Variants in PATE1 observed in about 807,000 individuals in gnomAD.
PATE1 encodes the protein prostate and testis expressed protein 1.
In PATE1, 21 loss-of-function variants were observed where a neutral mutation model predicts 13.1. The ratio of observed to expected loss-of-function variants is 1.61; its 90% confidence interval spans 1.14 to 2.31. PATE1 has a LOEUF of 2.31. Ranked by LOEUF, PATE1 falls within the 30% of genes most tolerant of loss-of-function variation. The pLI, the probability that PATE1 is intolerant of heterozygous loss-of-function variation, is 0.00. For synonymous variants in PATE1, 52 were observed against 47.1 expected, an observed-to-expected ratio of 1.10 and a Z score of -0.43; for missense variants, 166 against 147.2, an observed-to-expected ratio of 1.13 and a Z score of -0.66.
intron 2 of PATE1, among the ~76,000 whole-genome samples, chr11:125,746,957 G>T (rs1239690482): frequency 6.6e-6 from 1 of 152,154 alleles, no homozygotes; most frequent in Non-Finnish European, 1.5e-5. Context: ...GAAGTGGAAT[G>T]CTGGCTTTTC....
chr11:125,747,530 C>T, intron 3 of PATE1, 119 bp downstream of exon 3: 1 of 1,404,262 alleles, frequency 7.1e-7, no homozygotes, highest in Non-Finnish European at 9.9e-7. Flanking sequence ...GACCATAAAC[C>T]TCAATCACTC....
intron 3 of PATE1, 98 bp downstream of exon 3, chr11:125,747,509 A>G: frequency 6.9e-7 from 1 of 1,441,908 alleles, no homozygotes. Flanking sequence ...TTTTCAGGCT[A>G]AAATTCCTGA....
intron 4 of PATE1, chr11:125,748,172 G>A (rs975782319): frequency 1.5e-5 from 5 of 327,128 alleles, no homozygotes; most frequent in African/African-American, 8.4e-5. Flanking sequence ...GCTTCCTTAC[G>A]GATGGTTCTA....
Position 125,748,688 on chromosome 11 carries a change from C to T in PATE1, c.336C>T (p.Asn112=). 1.2e-6 allele frequency: 2 copies of T among 1,613,910 alleles called. No individual in the cohort carries two copies. The highest frequency in any genetic ancestry group is 1.7e-6 in the Non-Finnish European group (2 of 1,179,888). The change falls in exon 5 of 5, where the codon AAC becomes AAT. Residue 112 remains asparagine (N), a synonymous_variant. Coordinates refer to ENST00000305738, the MANE Select transcript of PATE1 (RefSeq NM_138294.3). Reference sequence around the variant, plus strand: ...TAAGGTGGAGTGTCTATTTGGTGAACTTCAGGTGCTGCAGGAGCCATGACC... The same window carrying T: ...TAAGGTGGAGTGTCTATTTGGTGAATTTCAGGTGCTGCAGGAGCCATGACC... The part of the protein sequence containing the change: ...KGIRWSVYLV[N]FRCCRSHDLC...
chr11:125,747,492 C>T (rs1943284017), intron 3 of PATE1, 81 bp downstream of exon 3: 3 of 1,467,250 alleles, frequency 2.0e-6, no homozygotes, highest in Non-Finnish European at 1.9e-6. Context: ...TTTCTTTCCC[C>T]TCCCATTTTT....
chr11:125,748,063 G>A (rs1943289838), intron 4 of PATE1: 1 of 523,826 alleles, frequency 1.9e-6, no homozygotes, highest in South Asian at 2.2e-5. Context: ...AAACAGAGGA[G>A]AATAAATCAA....
chr11:125,748,137 G>A (rs78394087), intron 4 of PATE1: 22,646 of 342,180 alleles, frequency 0.066, 942 homozygotes, highest in African/African-American at 0.12. Context: ...TGTGGAGGGG[G>A]CTTTTGGTTC....
intron 1 of PATE1, 27 bp from the exon 2 acceptor site, chr11:125,746,632 GAC>G (rs748861674): frequency 2.1e-5 from 34 of 1,613,126 alleles, no homozygotes; most frequent in South Asian, 3.3e-5. Flanking sequence ...GAGGTCTGCA[GAC>G]AGTGTATCTC....
chr11:125,748,550 C>G, intron 4 of PATE1, 50 bp from the exon 5 acceptor site: 1 of 1,589,526 alleles, frequency 6.3e-7, no homozygotes, highest in Non-Finnish European at 8.5e-7. Flanking sequence ...AGTTTTTTAG[C>G]AGAACTTTCA....
chr11:125,748,461 C>G, intron 4 of PATE1, 139 bp from the exon 5 acceptor site: 2 of 1,088,948 alleles, frequency 1.8e-6, no homozygotes, highest in Admixed American at 5.8e-5. Context: ...CTTGCAACAT[C>G]TTCCAGTTCT....
At position 125,746,609 on chromosome 11, in the gene PATE1, G is replaced by A. The variant is rs1390845883; in HGVS notation, c.53-52G>A. On this transcript the variant is annotated intron_variant, in intron 1 of 4. Transcript: ENST00000305738. Reference sequence around the variant, plus strand: ...GGATGTTCATAGAAGCTTTGAGATGGGGTTTGGAAAATGAGGTCTGCAGAC... The same window carrying A: ...GGATGTTCATAGAAGCTTTGAGATGAGGTTTGGAAAATGAGGTCTGCAGAC... The A allele has an allele frequency of 1.5e-5, 24 of 1,597,728 alleles. 1 individual carries two copies. The highest frequency in any genetic ancestry group is 8.8e-5 in the South Asian group (8 of 90,632).
Position 125,748,640 on chromosome 11 carries a change from G to T in PATE1, c.288G>T (p.Lys96Asn). The change falls in exon 5 of 5, where the codon AAG becomes AAT. Residue 96 changes from lysine (K) to asparagine (N), a missense_variant. Coordinates refer to ENST00000305738, the MANE Select transcript of PATE1 (RefSeq NM_138294.3). ...NPWLTFMGCL[K>N]NCADVKGIRW... Reference sequence around the variant, plus strand: ...GGTTAACCTTCATGGGCTGCCTAAAGAACTGTGCTGATGTGAAAGGCATAA... The same window carrying T: ...GGTTAACCTTCATGGGCTGCCTAAATAACTGTGCTGATGTGAAAGGCATAA... 2 of 1,613,908 alleles carry T rather than the reference G, an allele frequency of 1.2e-6. No individual in the cohort carries two copies. The highest frequency in any genetic ancestry group is 1.7e-6 in the Non-Finnish European group (2 of 1,179,902).
rs1943303668 is a variant in PATE1 at position 125,748,804 on chromosome 11, C to G, written c.*71C>G. ...GCCTCAGCCTCTTCACAATGACTTT[C>G]TAAAAAAAATCACACACACACACAC... On this transcript the variant is annotated 3_prime_UTR_variant, in exon 5 of 5. Coordinates refer to ENST00000305738, the MANE Select transcript of PATE1 (RefSeq NM_138294.3). 3 of 1,531,588 alleles carry G rather than the reference C, an allele frequency of 2.0e-6. No homozygotes were observed. The highest frequency in any genetic ancestry group is 2.6e-6 in the Non-Finnish European group (3 of 1,138,974). 94.9% of individuals were successfully genotyped at this position (1,531,588 alleles called of 1,614,324 possible).
intron 4 of PATE1, 45 bp from the exon 5 acceptor site, chr11:125,748,555 C>T (rs1409034432): frequency 3.8e-6 from 6 of 1,593,850 alleles, no homozygotes. Flanking sequence ...TTTAGCAGAA[C>T]TTTCATGGCC....
At position 125,749,169 on chromosome 11, in the gene PATE1, G is replaced by C. The variant is rs180910973; in HGVS notation, c.*436G>C. The stretch of plus-strand genomic sequence containing the variant: ...GTTATCCTTCTTATCCCACTCCAAA[G>C]AAAGCACATAACTGTGGCCTGAAGG... On this transcript the variant is annotated 3_prime_UTR_variant, in exon 5 of 5. Coordinates refer to ENST00000305738, the MANE Select transcript of PATE1 (RefSeq NM_138294.3). The C allele has an allele frequency of 1.3e-3, 195 of 152,910 alleles. No individual in the cohort carries two copies. The highest frequency in any genetic ancestry group is 1.7e-3 in the Non-Finnish European group (120 of 68,634). The allele number at this position is 152,910 out of a possible 1,614,324, so 9.5% of individuals were successfully genotyped here. A position where few individuals can be genotyped will look rare whatever the true frequency, so the allele number is the denominator to read the frequency against.
At chr11:125,746,407 T>G in intron 1 of PATE1, 51 bp downstream of exon 1, 1 of 1,583,286 alleles carries the variant, frequency 6.3e-7, no homozygotes, top group Non-Finnish European at 8.7e-7. Context: ...TAGGAACAGG[T>G]GAGAGCACCC....
At position 125,748,671 on chromosome 11, in the gene PATE1, A is replaced by G. The variant is rs1943302317; in HGVS notation, c.319A>G (p.Ser107Gly). Residue 107 changes from serine (S) to glycine (G), a missense_variant, in exon 5 of 5, where the codon AGT (serine) becomes GGT (glycine). Coordinates refer to ENST00000305738, the MANE Select transcript of PATE1 (RefSeq NM_138294.3). ...TGCTGATGTGAAAGGCATAAGGTGGAGTGTCTATTTGGTGAACTTCAGGTG... is the reference window on the plus strand; with the variant it reads ...TGCTGATGTGAAAGGCATAAGGTGGGGTGTCTATTTGGTGAACTTCAGGTG... ...NCADVKGIRW[S>G]VYLVNFRCCR... The G allele has an allele frequency of 5.6e-6, 9 of 1,613,872 alleles. No individual in the cohort carries two copies. In the East Asian group the frequency reaches 2.0e-4, roughly 36 times the overall value.
intron 4 of PATE1, chr11:125,748,029 T>A (rs1943289551): frequency 1.5e-6 from 1 of 663,148 alleles, no homozygotes; most frequent in Non-Finnish European, 2.4e-6. Context: ...AGCTAAGGGA[T>A]TAGCATTTTG....
chr11:125,748,002 G>T, intron 4 of PATE1, 180 bp downstream of exon 4: 10 of 881,616 alleles, frequency 1.1e-5, no homozygotes, highest in Non-Finnish European at 1.7e-5. Flanking sequence ...TGGTCACTAA[G>T]GAGGGTGGGG....
Sources: allele counts gnomAD v4.1 joint callset (sites outside exome capture counted in the v4.1 genomes callset), GRCh38; gene constraint gnomAD v4.1.1; transcripts MANE v1.5; gene names NCBI Gene and HGNC (gene_info 2026-07-23, HGNC 2026-07-21).